RPS6KC1: variants seen among roughly 807,000 people sequenced by gnomAD.
RPS6KC1 encodes the protein ribosomal protein S6 kinase C1.
In RPS6KC1, 54 loss-of-function variants were observed where a neutral mutation model predicts 103.8. That is an observed-to-expected ratio of 0.52 (90% CI 0.42 to 0.65). The LOEUF (loss-of-function observed/expected upper bound fraction) is 0.65, where lower values mean the gene tolerates loss of function less well. Among genes scored for constraint, RPS6KC1 ranks in the 30% least tolerant of loss-of-function variants. The probability of loss-of-function intolerance (pLI) is 0.00; values close to 1 mark genes in which losing one functional copy is unlikely to be tolerated. For synonymous variants in RPS6KC1, 439 were observed against 438.7 expected (o/e 1.00, Z -0.01); for missense variants, 1,151 against 1,253.8 (o/e 0.92, Z 1.24).
chr1:213,131,864 A>T (rs2085670754), intron 6 of RPS6KC1, among the ~76,000 whole-genome samples: 1 of 152,232 alleles, frequency 6.6e-6, no homozygotes, highest in Non-Finnish European at 1.5e-5. Flanking sequence ...GTTATAAAAA[A>T]ATCTGCTCTG....
chr1:213,685,641 A>T, the RPS6KC1 span, among the ~76,000 whole-genome samples: 5 of 151,992 alleles, frequency 3.3e-5, no homozygotes, highest in Admixed American at 2.0e-4. Context: ...AAAAAAAAAA[A>T]AAAAGATAAG....
chr1:213,527,160 C>T, the RPS6KC1 span, among the ~76,000 whole-genome samples: 5 of 152,290 alleles, frequency 3.3e-5, no homozygotes, highest in South Asian at 1.0e-3. Flanking sequence ...TCGTAGAGGT[C>T]CAGAATCACA....
the RPS6KC1 span, among the ~76,000 whole-genome samples, chr1:213,763,801 A>G: frequency 3.9e-5 from 6 of 152,040 alleles, no homozygotes; most frequent in Non-Finnish European, 8.8e-5. Flanking sequence ...TTAATTCCCA[A>G]CTCCAGGCAG....
intron 1 of RPS6KC1, among the ~76,000 whole-genome samples, chr1:213,062,655 C>G (rs1281899304): frequency 4.6e-5 from 7 of 151,796 alleles, no homozygotes; most frequent in Admixed American, 4.6e-4. Flanking sequence ...CTCCCGGGTT[C>G]AAGGTATTCT....
the RPS6KC1 span, among the ~76,000 whole-genome samples, chr1:213,401,064 A>T: frequency 5.9e-5 from 9 of 152,052 alleles, no homozygotes; most frequent in Non-Finnish European, 1.0e-4. Context: ...ACAGCCTGAG[A>T]TGGGGAGTGG....
the RPS6KC1 span, among the ~76,000 whole-genome samples, chr1:213,770,882 C>G: frequency 5.3e-5 from 8 of 152,212 alleles, no homozygotes; most frequent in African/African-American, 1.9e-4. Flanking sequence ...CCAAGCATAT[C>G]TACTTTCACT....
At chr1:213,772,739 C>T in the RPS6KC1 span, among the ~76,000 whole-genome samples, 1 of 152,142 alleles carries the variant, frequency 6.6e-6, no homozygotes, top group Non-Finnish European at 1.5e-5. Flanking sequence ...GTCTGAACAC[C>T]CCGGAGGCAG....
the RPS6KC1 span, among the ~76,000 whole-genome samples, chr1:213,625,077 G>T: frequency 6.6e-6 from 1 of 151,964 alleles, no homozygotes; most frequent in Non-Finnish European, 1.5e-5. Flanking sequence ...CCACCACCCG[G>T]GTTCAAGCGA....
At chr1:213,344,361 CA>C in the RPS6KC1 span, among the ~76,000 whole-genome samples, 1 of 152,188 alleles carries the variant, frequency 6.6e-6, no homozygotes, top group East Asian at 1.9e-4. Context: ...TATTTCTTCT[CA>C]AAAGATAAAA....
At chr1:213,515,510 T>G in the RPS6KC1 span, among the ~76,000 whole-genome samples, 1 of 152,244 alleles carries the variant, frequency 6.6e-6, no homozygotes, top group African/African-American at 2.4e-5. Flanking sequence ...TTCTTGTTTT[T>G]GTCAGGTTTG....
At chr1:213,272,498 T>G in intron 14 of RPS6KC1, 26 bp from the exon 15 acceptor site, 1 of 1,553,642 alleles carries the variant, frequency 6.4e-7, no homozygotes, top group Non-Finnish European at 8.9e-7. Flanking sequence ...GGATTCCTGT[T>G]ACTCACTAAG....
At chr1:213,840,646 C>T in the RPS6KC1 span, 40 of 152,206 alleles carry the variant, frequency 2.6e-4, no homozygotes, top group East Asian at 1.9e-4. Context: ...GATCTTATTT[C>T]GTCAACTGGT....
chr1:213,654,300 G>A, the RPS6KC1 span, among the ~76,000 whole-genome samples: 3 of 152,186 alleles, frequency 2.0e-5, no homozygotes, highest in Admixed American at 2.0e-4. Context: ...CTTCAAGGCA[G>A]ATGTTTGGAA....
the RPS6KC1 span, among the ~76,000 whole-genome samples, chr1:213,301,698 C>CTTAT: frequency 0.091 from 12,899 of 140,982 alleles, 649 homozygotes; most frequent in African/African-American, 0.11. Context: ...GACCCATTTA[C>CTTAT]TTATTTATTT....
chr1:213,403,044 C>T, the RPS6KC1 span, among the ~76,000 whole-genome samples: 13 of 151,538 alleles, frequency 8.6e-5, no homozygotes, highest in East Asian at 2.3e-3. Flanking sequence ...AGGAGAATGG[C>T]GTGAACCCGA....
At chr1:213,356,057 T>C in the RPS6KC1 span, among the ~76,000 whole-genome samples, 1 of 152,226 alleles carries the variant, frequency 6.6e-6, no homozygotes, top group South Asian at 2.1e-4. Context: ...TCTGGTTATG[T>C]GCTGGACACT....
At chr1:213,068,167 CTT>C (rs1403502974) in intron 1 of RPS6KC1, among the ~76,000 whole-genome samples, 1 of 152,190 alleles carries the variant, frequency 6.6e-6, no homozygotes, top group African/African-American at 2.4e-5. Context: ...TTATCCATGA[CTT>C]TTCTTCTCAA....
At chr1:213,119,049 A>G (rs1442283436) in intron 5 of RPS6KC1, among the ~76,000 whole-genome samples, 8 of 152,060 alleles carry the variant, frequency 5.3e-5, no homozygotes, top group Admixed American at 1.3e-4. Flanking sequence ...GTATAACCTA[A>G]GCTGGCTGTT....
intron 8 of RPS6KC1, among the ~76,000 whole-genome samples, chr1:213,202,165 T>G (rs1005018860): frequency 3.9e-5 from 6 of 152,220 alleles, no homozygotes; most frequent in African/African-American, 1.4e-4. Context: ...CTATAGCTCT[T>G]TATCATTATT....
Sources: gnomAD v4.1 joint callset for allele counts (sites outside exome capture counted in the v4.1 genomes callset) on GRCh38, gnomAD v4.1.1 for gene constraint, MANE v1.5 for transcripts, NCBI Gene and HGNC (gene_info 2026-07-23, HGNC 2026-07-21) for gene names.